Variants in APOL1 observed in about 807,000 individuals in gnomAD.
APOL1 encodes apolipoprotein L 1.
In APOL1, 17 loss-of-function variants were observed where a neutral mutation model predicts 14.9. The ratio of observed to expected loss-of-function variants is 1.14; its 90% CI spans 0.78 to 1.71. The LOEUF (loss-of-function observed/expected upper bound fraction) is 1.71, where lower values mean the gene tolerates loss of function less well. Among genes scored for constraint, APOL1 ranks in the 40% most tolerant of loss-of-function variants. The pLI, the probability that APOL1 is intolerant of heterozygous loss-of-function variation, is 0.00. For missense variants in APOL1, 523 were observed against 485.9 expected, an observed-to-expected ratio of 1.08 and a Z score of -0.72; for synonymous variants, 195 against 184.8, an observed-to-expected ratio of 1.05 and a Z score of -0.45.
rs2016289104 is a variant in APOL1, at chr22:36,266,896, C to T, written c.*863C>T. On this transcript the variant is annotated 3_prime_UTR_variant, in exon 6 of 6. Transcript: ENST00000397278. ...CTCCAGCCTGGGTGACAGAGCGAGA[C>T]TCCATCTCAAAAAAAAAAAAAAAAA... is the stretch of plus-strand genomic sequence containing the variant. The T allele has an allele frequency of 5.6e-6, 1 of 178,572 alleles. No individual in the cohort carries two copies. Among genetic ancestry groups the T allele is most frequent in the Admixed American group, 6.7e-5 (1 of 15,018 alleles). 11.1% of individuals were successfully genotyped at this position (178,572 alleles called of 1,614,324 possible).
At position 36,264,111 on chromosome 22, in the gene APOL1, A is replaced by T. The variant is rs2016157734; in HGVS notation, c.315-1040A>T. On this transcript the variant is annotated intron_variant, in intron 5 of 5. Transcript: ENST00000397278. Reference sequence around the variant, plus strand: ...GTGGAGAAGAGGCTCAGAAGAGCCCAGCTGGAGTTGGTCAAGGAGAAAGTC... The same window carrying T: ...GTGGAGAAGAGGCTCAGAAGAGCCCTGCTGGAGTTGGTCAAGGAGAAAGTC... 2.0e-5 allele frequency among the ~76,000 whole-genome samples: 3 copies of T among 152,320 alleles called. No homozygotes were observed. In the South Asian group the frequency reaches 6.2e-4, roughly 32 times the overall value.
At position 36,265,264 on chromosome 22, in the gene APOL1, A is replaced by T; in HGVS notation, c.428A>T (p.Glu143Val). ...CAGTACAGAAACTGGTTTCTGAAAG[A>T]GTTTCCTCGGTTGAAAAGTGAGCTT... Reference protein sequence around the residue: ...GQQYRNWFLKEFPRLKSELED... With the variant: ...GQQYRNWFLKVFPRLKSELED... The change falls in exon 6 of 6, where the codon GAG (glutamate) becomes GTG (valine). Residue 143 changes from glutamate (E) to valine (V), a missense_variant. Transcript: ENST00000397278. 6.2e-7 allele frequency: 1 copy of T among 1,614,126 alleles called. No individual in the cohort carries two copies. Among genetic ancestry groups the T allele is most frequent in the Non-Finnish European group, 8.5e-7 (1 of 1,180,008 alleles).
At chr22:36,257,516 A>C in intron 4 of APOL1, 109 bp downstream of exon 4, 1 of 1,141,870 alleles carries the variant, frequency 8.8e-7, no homozygotes, top group Non-Finnish European at 1.3e-6. Context: ...TAGGAGGCCA[A>C]TGAGTCTGCC....
In APOL1 at chr22:36,266,135, A is replaced by C; in HGVS notation, c.*102A>C. On this transcript the variant is annotated 3_prime_UTR_variant, in exon 6 of 6. Transcript: ENST00000397278. ...GAGACAGAGTCTTGCTCTGTCGCCA[A>C]GTTGGAGTGCAATGGTGCGATCTCA... 3.0e-6 allele frequency: 4 copies of C among 1,316,984 alleles called. No individual in the cohort carries two copies. In the South Asian group the frequency reaches 6.0e-5, roughly 20 times the overall value. 81.6% of individuals were successfully genotyped at this position (1,316,984 alleles called of 1,614,324 possible).
chr22:36,257,003 T>C (rs375537595), intron 2 of APOL1, 80 bp from the exon 3 acceptor site: 43 of 1,488,632 alleles, frequency 2.9e-5, no homozygotes, highest in African/African-American at 1.5e-4. Flanking sequence ...CATCTCTATT[T>C]CTGTGTATAG....
rs1364363277 is a variant in APOL1, at chr22:36,267,486, G to C, written c.*1453G>C. 6.8e-6 allele frequency: 1 copy of C among 146,272 alleles called. No individual in the cohort carries two copies. The highest frequency in any genetic ancestry group is 1.5e-5 in the Non-Finnish European group (1 of 65,672). 9.1% of individuals were successfully genotyped at this position (146,272 alleles called of 1,614,324 possible). On this transcript the variant is annotated 3_prime_UTR_variant, in exon 6 of 6. Transcript: ENST00000397278. ...AGCTGTCTTGTCGCCGCCCAGGATT[G>C]ACCTGTGTGTAAGTCCCAATAAACT...
In APOL1 at chr22:36,265,233, G is replaced by A. The variant is rs2146311370; in HGVS notation, c.397G>A (p.Gly133Ser). 1 of 1,614,206 alleles carries A rather than the reference G, an allele frequency of 6.2e-7. No homozygotes were observed. Residue 133 changes from glycine to serine, a missense_variant, in exon 6 of 6, where the codon GGC (glycine) becomes AGC (serine). By Grantham distance (56) the Gly-to-Ser change is moderately conservative. Coordinates refer to ENST00000397278, the MANE Select transcript of APOL1 (RefSeq NM_003661.4). Reference protein sequence around the residue: ...IMKDKNWHDKGQQYRNWFLKE... With the variant: ...IMKDKNWHDKSQQYRNWFLKE... ...GAAAGACAAAAACTGGCACGATAAA[G>A]GCCAGCAGTACAGAAACTGGTTTCT...
intron 1 of APOL1, among the ~76,000 whole-genome samples, chr22:36,254,270 T>G (rs997678429): frequency 7.2e-5 from 11 of 152,096 alleles, no homozygotes; most frequent in African/African-American, 2.7e-4. Flanking sequence ...AGTCATGGTC[T>G]TATTTGTTCT....
intron 4 of APOL1, among the ~76,000 whole-genome samples, chr22:36,260,875 C>CT (rs977269900): frequency 6.6e-6 from 1 of 152,196 alleles, no homozygotes; most frequent in Non-Finnish European, 1.5e-5. Context: ...AATTGATTTT[C>CT]TTTTTAAAAT....
At chr22:36,263,872 C>A (rs1229333415) in intron 5 of APOL1, among the ~76,000 whole-genome samples, 1 of 152,080 alleles carries the variant, frequency 6.6e-6, no homozygotes, top group Non-Finnish European at 1.5e-5. Context: ...GTGGGGGGTT[C>A]CTGCTAAATT....
intron 1 of APOL1, among the ~76,000 whole-genome samples, chr22:36,253,465 C>G (rs376725245): frequency 2.6e-5 from 4 of 152,132 alleles, no homozygotes; most frequent in African/African-American, 9.7e-5. Flanking sequence ...TGCTGAGACA[C>G]GACTGAGTGA....
chr22:36,262,653 G>A (rs1340336249), intron 5 of APOL1, among the ~76,000 whole-genome samples: 2 of 152,178 alleles, frequency 1.3e-5, no homozygotes, highest in African/African-American at 4.8e-5. Context: ...GAAACTTAAG[G>A]AGGTCATGAA....
chr22:36,264,929 A>C (rs28697951), intron 5 of APOL1, among the ~76,000 whole-genome samples: 1 of 149,090 alleles, frequency 6.7e-6, no homozygotes, highest in Non-Finnish European at 1.5e-5. Context: ...CTCCTGCCTC[A>C]GCCTCCTGAG....
rs922348878 is a variant in APOL1 at position 36,267,247 on chromosome 22, G to C, written c.*1214G>C. 3 of 152,240 alleles carry C rather than the reference G, an allele frequency of 2.0e-5. No homozygotes were observed. The highest frequency in any genetic ancestry group is 4.4e-5 in the Non-Finnish European group (3 of 68,128). The allele number at this position is 152,240 out of a possible 1,614,324, so 9.4% of individuals were successfully genotyped here. ...ATGGGTCCCCTCCAGGTTACTAAAGGGTGCATGTCCCCTGCTTGAACACTG... is the reference window on the plus strand; with the variant it reads ...ATGGGTCCCCTCCAGGTTACTAAAGCGTGCATGTCCCCTGCTTGAACACTG... On this transcript the variant is annotated 3_prime_UTR_variant, in exon 6 of 6. Transcript: ENST00000397278.
At chr22:36,263,337 G>A (rs1055864045) in intron 5 of APOL1, among the ~76,000 whole-genome samples, 1 of 152,200 alleles carries the variant, frequency 6.6e-6, no homozygotes, top group Non-Finnish European at 1.5e-5. Context: ...TCTCTCCGGG[G>A]TTTTGTTTTT....
At chr22:36,257,460 G>A in intron 4 of APOL1, 53 bp downstream of exon 4, 1 of 1,512,524 alleles carries the variant, frequency 6.6e-7, no homozygotes, top group Non-Finnish European at 9.2e-7. Context: ...AGAATGGAGG[G>A]TGGCACCTCC....
At chr22:36,259,690 A>T (rs552253890) in intron 4 of APOL1, 1 of 1,303,524 alleles carries the variant, frequency 7.7e-7, no homozygotes, top group South Asian at 1.2e-5. Context: ...TCCAGAGGTG[A>T]CAGTGGAGAG....
intron 5 of APOL1, among the ~76,000 whole-genome samples, chr22:36,261,967 G>A (rs1022999140): frequency 2.0e-5 from 3 of 152,230 alleles, no homozygotes; most frequent in African/African-American, 7.2e-5. Flanking sequence ...CTGGTGATGG[G>A]AACTTTGCCA....
intron 5 of APOL1, among the ~76,000 whole-genome samples, chr22:36,263,125 C>G (rs372425281): frequency 9.9e-5 from 15 of 152,196 alleles, no homozygotes; most frequent in African/African-American, 3.4e-4. Context: ...GTGACACCTG[C>G]GAGTGAGACC....
Sources: allele counts gnomAD v4.1 joint callset (sites outside exome capture counted in the v4.1 genomes callset), GRCh38; gene constraint gnomAD v4.1.1; transcripts MANE v1.5; gene names NCBI Gene and HGNC (gene_info 2026-07-23, HGNC 2026-07-21).